HECTD2: variants seen among roughly 807,000 people sequenced by gnomAD.
The protein encoded by HECTD2 is probable E3 ubiquitin-protein ligase HECTD2.
Under a neutral mutation model 103.2 loss-of-function variants are expected in HECTD2, and 35 were observed. The observed-to-expected ratio is 0.34, with a 90% CI of 0.26 to 0.45. HECTD2 has a LOEUF of 0.45. HECTD2 is among the 20% of genes least tolerant of loss of function. The probability of loss-of-function intolerance (pLI) is 1.00; values close to 1 mark genes in which losing one functional copy is unlikely to be tolerated. For synonymous variants in HECTD2, 281 were observed against 329.9 expected (o/e 0.85, Z 1.61); for missense variants, 596 against 937.4 (o/e 0.64, Z 4.76).
rs539499792 is a variant in HECTD2, at chr10:91,498,787, CTG to C, written c.1756-83_1756-82del. On this transcript the variant is annotated intron_variant, in intron 16 of 20. Transcript: ENST00000298068. ...TGTTTAGAAGGAAGGGGGAAAAAAA[CTG>C]TTTTTTAAATTTTACAAACCTGTTC... 1.8e-3 allele frequency: 1,362 copies of C among 766,620 alleles called. 1 individual carries two copies. Among genetic ancestry groups the C allele is most frequent in the Non-Finnish European group, 2.6e-3 (1,239 of 467,716 alleles). The allele number at this position is 766,620 out of a possible 1,614,324, so 47.5% of individuals were successfully genotyped here.
intron 5 of HECTD2, among the ~76,000 whole-genome samples, chr10:91,466,528 T>C (rs1243678592): frequency 6.6e-6 from 1 of 152,194 alleles, no homozygotes; most frequent in African/African-American, 2.4e-5. Context: ...TTTGCTAATA[T>C]ATTCATTCAG....
At position 91,513,350 on chromosome 10, in the gene HECTD2, A is replaced by G. The variant is rs1232436001; in HGVS notation, c.*966A>G. ...TGATCACCAGTTGTACCAAAACACTAATTTTTGAAAAAGATAGGTTAAAGT... is the reference window on the plus strand; with the variant it reads ...TGATCACCAGTTGTACCAAAACACTGATTTTTGAAAAAGATAGGTTAAAGT... On this transcript the variant is annotated 3_prime_UTR_variant, in exon 21 of 21. Transcript: ENST00000298068. The G allele has an allele frequency of 1.3e-5, 2 of 152,644 alleles. No individual in the cohort carries two copies. Among genetic ancestry groups the G allele is most frequent in the East Asian group, 1.9e-4 (1 of 5,204 alleles). 9.5% of individuals were successfully genotyped at this position (152,644 alleles called of 1,614,324 possible). A position where few individuals can be genotyped will look rare whatever the true frequency, so the allele number is the denominator to read the frequency against.
At chr10:91,482,320 T>C (rs2133282122) in intron 7 of HECTD2, among the ~76,000 whole-genome samples, 1 of 152,054 alleles carries the variant, frequency 6.6e-6, no homozygotes, top group Admixed American at 6.5e-5. Flanking sequence ...GAAATGTACA[T>C]TGTGCTAGAA....
intron 20 of HECTD2, among the ~76,000 whole-genome samples, chr10:91,507,568 T>C (rs1298917862): frequency 6.6e-6 from 1 of 151,892 alleles, no homozygotes; most frequent in East Asian, 1.9e-4. Context: ...TTACAAGGGA[T>C]GTGAAGGACC....
intron 2 of HECTD2, among the ~76,000 whole-genome samples, chr10:91,451,059 G>T (rs1279289723): frequency 6.6e-6 from 1 of 152,064 alleles, no homozygotes; most frequent in Non-Finnish European, 1.5e-5. Context: ...CTGCTATAAA[G>T]ACACATGCAC....
intron 2 of HECTD2, among the ~76,000 whole-genome samples, chr10:91,431,959 T>C (rs1253505337): frequency 6.6e-6 from 1 of 151,984 alleles, no homozygotes; most frequent in East Asian, 1.9e-4. Flanking sequence ...TAAATGACTC[T>C]GACTCGATGA....
chr10:91,499,369 T>TA (rs767397945), intron 18 of HECTD2, among the ~76,000 whole-genome samples: 245 of 152,300 alleles, frequency 1.6e-3, no homozygotes, highest in Non-Finnish European at 3.0e-3. Flanking sequence ...CCCCTTCTAC[T>TA]AAGTCTTTTA....
At chr10:91,481,563 A>G (rs187826417) in intron 7 of HECTD2, among the ~76,000 whole-genome samples, 2 of 151,632 alleles carry the variant, frequency 1.3e-5, no homozygotes, top group Admixed American at 6.6e-5. Context: ...GTATTTTTCA[A>G]TAACTTCAAT....
rs1248166415 is a variant in HECTD2 at position 91,487,926 on chromosome 10, A to G, written c.1191+148A>G. On this transcript the variant is annotated intron_variant, in intron 11 of 20. Coordinates refer to ENST00000298068, the MANE Select transcript of HECTD2 (RefSeq NM_182765.6). This position sits in a 1 kb window ranked among gnomAD's most constrained non-coding sequence, Gnocchi z 4.1. ...TGTTATACTCACCCAAAAAGTGCTT[A>G]AAAACTATTTACAATTTGGGAGACA... 4.0e-6 allele frequency: 2 copies of G among 495,726 alleles called. No individual in the cohort carries two copies. Among genetic ancestry groups the G allele is most frequent in the Non-Finnish European group, 7.2e-6 (2 of 277,852 alleles). The allele number at this position is 495,726 out of a possible 1,614,324, so 30.7% of individuals were successfully genotyped here. A position where few individuals can be genotyped will look rare whatever the true frequency, so the allele number is the denominator to read the frequency against.
intron 1 of HECTD2, among the ~76,000 whole-genome samples, chr10:91,412,390 ATT>A (rs1842947114): frequency 6.6e-6 from 1 of 152,198 alleles, no homozygotes; most frequent in Admixed American, 6.5e-5. Context: ...TAAATCTTGA[ATT>A]AAACTTTGAA....
intron 1 of HECTD2, among the ~76,000 whole-genome samples, chr10:91,415,144 A>C (rs1182723771): frequency 6.6e-6 from 1 of 151,668 alleles, no homozygotes; most frequent in African/African-American, 2.4e-5. Flanking sequence ...TAATAAAGGA[A>C]AAGGACTCAG....
chr10:91,427,309 A>G (rs1286180621), intron 2 of HECTD2, among the ~76,000 whole-genome samples: 3 of 151,988 alleles, frequency 2.0e-5, no homozygotes, highest in Admixed American at 2.0e-4. Context: ...CGCAGTAAAC[A>G]TACGTGTGCA....
intron 2 of HECTD2, among the ~76,000 whole-genome samples, chr10:91,451,820 A>G (rs1383121336): frequency 1.3e-5 from 2 of 152,154 alleles, no homozygotes; most frequent in Non-Finnish European, 2.9e-5. Flanking sequence ...CTTATTAGCT[A>G]TGTTACTTCT....
intron 5 of HECTD2, among the ~76,000 whole-genome samples, chr10:91,477,752 AAAGT>A (rs1184229013): frequency 6.6e-6 from 1 of 152,194 alleles, no homozygotes; most frequent in East Asian, 1.9e-4. Context: ...CTTATAAACT[AAAGT>A]ATTATCTAAA....
intron 1 of HECTD2, among the ~76,000 whole-genome samples, chr10:91,414,038 G>A (rs886390149): frequency 1.6e-4 from 24 of 152,296 alleles, no homozygotes; most frequent in Non-Finnish European, 1.8e-4. Context: ...GTTTAAAAAA[G>A]TGGTGAATGA....
intron 2 of HECTD2, among the ~76,000 whole-genome samples, chr10:91,459,173 A>T (rs1453194673): frequency 6.6e-6 from 1 of 151,988 alleles, no homozygotes; most frequent in Non-Finnish European, 1.5e-5. Flanking sequence ...ATCACACAGA[A>T]ATATTATGCA....
intron 11 of HECTD2, chr10:91,488,369 A>G (rs1846342516): frequency 6.6e-6 from 1 of 152,506 alleles, no homozygotes; most frequent in Non-Finnish European, 1.5e-5. Flanking sequence ...GTTATCTCTC[A>G]GTCTGTCCTT....
intron 1 of HECTD2, among the ~76,000 whole-genome samples, chr10:91,418,678 C>A (rs57281864): frequency 0.2 from 30,331 of 151,676 alleles, 7,181 homozygotes; most frequent in African/African-American, 0.58. Context: ...TGAAAAAAAA[C>A]CATACAAAAA....
intron 5 of HECTD2, among the ~76,000 whole-genome samples, chr10:91,466,283 G>C (rs778176086): frequency 6.6e-6 from 1 of 151,924 alleles, no homozygotes. Flanking sequence ...CTTTCATTTA[G>C]TAATTAGTAT....
Sources: allele counts gnomAD v4.1 joint callset (sites outside exome capture counted in the v4.1 genomes callset), GRCh38; gene constraint gnomAD v4.1.1; non-coding constraint Gnocchi (gnomAD v3.1); transcripts MANE v1.5; gene names NCBI Gene and HGNC (gene_info 2026-07-23, HGNC 2026-07-21).